The following MYRIP variants were observed in gnomAD, a reference collection of about 807,000 sequenced individuals.
MYRIP encodes myosin VIIA and Rab interacting protein.
Under a neutral mutation model 98.0 loss-of-function variants are expected in MYRIP, and 49 were observed. The observed-to-expected ratio is 0.50, with a 90% CI of 0.40 to 0.63. The LOEUF (loss-of-function observed/expected upper bound fraction) is 0.63. MYRIP is among the 30% of genes least tolerant of loss of function. The probability of loss-of-function intolerance (pLI) is 0.00; values close to 1 mark genes in which losing one functional copy is unlikely to be tolerated. For synonymous variants in MYRIP, 404 were observed against 409.5 expected, an observed-to-expected ratio of 0.99 and a Z score of 0.16; for missense variants, 1,004 against 1,058.2, an observed-to-expected ratio of 0.95 and a Z score of 0.71.
intron 10 of MYRIP, among the ~76,000 whole-genome samples, chr3:40,200,131 T>TTTTTTTTTTTTTTTTTG (rs1553626079): frequency 2.0e-5 from 3 of 149,658 alleles, no homozygotes; most frequent in African/African-American, 7.3e-5. Flanking sequence ...ATTTTCTTTT[T>TTTTTTTTTTTTTTTTTG]ATCATAGGCC....
chr3:39,892,830 A>G (rs970864489), intron 1 of MYRIP, among the ~76,000 whole-genome samples: 16 of 152,232 alleles, frequency 1.1e-4, no homozygotes, highest in African/African-American at 3.6e-4. Context: ...AATGGAGGGC[A>G]TAGATAACTT....
chr3:39,890,883 TG>T (rs1407214707), intron 1 of MYRIP, among the ~76,000 whole-genome samples: 1 of 152,130 alleles, frequency 6.6e-6, no homozygotes, highest in Non-Finnish European at 1.5e-5. Flanking sequence ...AAACAAGTGT[TG>T]GCACCTCAGG....
At chr3:40,056,499 C>T (rs1217893536) in intron 3 of MYRIP, among the ~76,000 whole-genome samples, 4 of 152,130 alleles carry the variant, frequency 2.6e-5, no homozygotes, top group South Asian at 2.1e-4. Context: ...GTTTTCTTTT[C>T]TGGATAAACA....
intron 3 of MYRIP, among the ~76,000 whole-genome samples, chr3:40,067,380 G>A (rs895486440): frequency 6.6e-6 from 1 of 152,104 alleles, no homozygotes; most frequent in Non-Finnish European, 1.5e-5. Flanking sequence ...ATTGTCTAGA[G>A]GGCATTCATA....
At chr3:39,911,116 AATGGTT>A (rs1377982887) in intron 2 of MYRIP, among the ~76,000 whole-genome samples, 1 of 152,224 alleles carries the variant, frequency 6.6e-6, no homozygotes, top group African/African-American at 2.4e-5. Flanking sequence ...CCCTGAAGTT[AATGGTT>A]GACCAAATAC....
Position 40,210,091 on chromosome 3 carries a change from AAG to A in MYRIP, c.1904_1905del (p.Lys636ValfsTer39). 6.2e-7 allele frequency: 1 copy of A among 1,613,638 alleles called. No individual in the cohort carries two copies. The highest frequency in any genetic ancestry group is 1.1e-5 in the South Asian group (1 of 91,034). ...CCAGAGTGTCCAGGAAGAGCTGAAG[AAG>A]GTAAGGGCTGTGAAGCCACCTGCAG... ...NSQSVQEELKKKFSAVSLCNI... is the reference protein window; with the variant it reads ...NSQSVQEELKXKFSAVSLCNI... On this transcript the variant is annotated frameshift_variant and splice_region_variant, in exon 11 of 17. Coordinates refer to ENST00000302541, the MANE Select transcript of MYRIP (RefSeq NM_015460.4). LOFTEE classifies it high-confidence loss of function.
intron 1 of MYRIP, among the ~76,000 whole-genome samples, chr3:39,811,859 G>C (rs1940706546): frequency 6.6e-6 from 1 of 152,138 alleles, no homozygotes; most frequent in Non-Finnish European, 1.5e-5. Context: ...ACTCAGCTCA[G>C]TCATTTAAAC....
rs1953119750 is a variant in MYRIP at position 40,244,443 on chromosome 3, C to T, written c.2101-3C>T. On this transcript the variant is annotated splice_polypyrimidine_tract_variant and splice_region_variant and intron_variant, in intron 12 of 16. Transcript: ENST00000302541. ...GAACTCAAATGTAGCACTGTCTCTA[C>T]AGGTATACCTGGCAGCAGGCACTGT... 1 of 1,609,696 alleles carries T rather than the reference C, an allele frequency of 6.2e-7. No individual in the cohort carries two copies. The highest frequency in any genetic ancestry group is 1.1e-5 in the South Asian group (1 of 90,264).
chr3:40,243,870 C>T (rs1398867391), intron 12 of MYRIP, among the ~76,000 whole-genome samples: 1 of 152,170 alleles, frequency 6.6e-6, no homozygotes, highest in Non-Finnish European at 1.5e-5. Flanking sequence ...TAAATAGATA[C>T]ATGCTTCTCT....
At chr3:40,064,280 C>T (rs1310947258) in intron 3 of MYRIP, among the ~76,000 whole-genome samples, 1 of 151,454 alleles carries the variant, frequency 6.6e-6, no homozygotes, top group Non-Finnish European at 1.5e-5. Flanking sequence ...GGATCCAAAC[C>T]CAGATTTTGG....
chr3:39,892,112 T>C (rs918722123), intron 1 of MYRIP, among the ~76,000 whole-genome samples: 3 of 152,134 alleles, frequency 2.0e-5, no homozygotes, highest in African/African-American at 7.2e-5. Flanking sequence ...TTTAAAAATT[T>C]ATATCTTTAA....
chr3:40,209,643 A>G (rs1278311658), intron 10 of MYRIP, among the ~76,000 whole-genome samples: 1 of 151,908 alleles, frequency 6.6e-6, no homozygotes, highest in Non-Finnish European at 1.5e-5. Context: ...CACTTTTTTG[A>G]GTAAAGAGGA....
At chr3:40,026,882 C>G (rs545593664) in intron 2 of MYRIP, among the ~76,000 whole-genome samples, 1 of 152,170 alleles carries the variant, frequency 6.6e-6, no homozygotes, top group Non-Finnish European at 1.5e-5. Flanking sequence ...CCCTCTTCAG[C>G]CTTTTTCCCT....
chr3:40,161,923 C>T (rs1175926512), intron 4 of MYRIP, among the ~76,000 whole-genome samples: 3 of 152,166 alleles, frequency 2.0e-5, no homozygotes, highest in African/African-American at 7.2e-5. Context: ...ATGTGGTCAC[C>T]ATGAACTGCA....
intron 1 of MYRIP, among the ~76,000 whole-genome samples, chr3:39,866,057 G>A (rs1035920936): frequency 3.9e-5 from 6 of 152,104 alleles, no homozygotes; most frequent in African/African-American, 1.4e-4. Flanking sequence ...ACTATCCTAA[G>A]CAAACTAACA....
chr3:40,009,676 C>A (rs1014860510), intron 2 of MYRIP, among the ~76,000 whole-genome samples: 1 of 152,168 alleles, frequency 6.6e-6, no homozygotes, highest in Admixed American at 6.5e-5. Context: ...AAACCCCTCA[C>A]CTTACTGGGG....
chr3:40,245,858 C>T (rs1398299642), intron 13 of MYRIP, among the ~76,000 whole-genome samples: 16 of 148,276 alleles, frequency 1.1e-4, no homozygotes, highest in Admixed American at 3.4e-4. Context: ...AGCAATTCCC[C>T]GCCTCAGCCT....
At chr3:40,228,766 T>A (rs1357572679) in intron 11 of MYRIP, among the ~76,000 whole-genome samples, 1 of 152,190 alleles carries the variant, frequency 6.6e-6, no homozygotes, top group Non-Finnish European at 1.5e-5. Flanking sequence ...AAGACTTATA[T>A]CACACACAGG....
chr3:40,213,187 T>G (rs534848679), intron 11 of MYRIP, among the ~76,000 whole-genome samples: 1 of 152,302 alleles, frequency 6.6e-6, no homozygotes, highest in East Asian at 1.9e-4. Flanking sequence ...ATGTCTGTCT[T>G]GCTTTTTAAT....
Sources: gnomAD v4.1 joint callset for allele counts (sites outside exome capture counted in the v4.1 genomes callset) on GRCh38, gnomAD v4.1.1 for gene constraint, MANE v1.5 for transcripts, NCBI Gene and HGNC (gene_info 2026-07-23, HGNC 2026-07-21) for gene names.